Variants in GALNT17 observed in about 807,000 individuals in gnomAD.
The protein encoded by GALNT17 is UDP-GalNAc:polypeptide N-acetylgalactosaminyltransferase-like 3.
GALNT17 carries 29 observed loss-of-function variants against 63.7 expected under a neutral mutation model. The ratio of observed to expected loss-of-function variants is 0.46; its 90% confidence interval spans 0.34 to 0.62. The LOEUF (loss-of-function observed/expected upper bound fraction) is 0.62, where lower values mean the gene tolerates loss of function less well. Ranked by LOEUF, GALNT17 falls within the 20% of genes least tolerant of loss-of-function variation. The pLI is 0.01. For missense variants in GALNT17, 603 were observed against 799.6 expected, an observed-to-expected ratio of 0.75 and a Z score of 2.97; for synonymous variants, 305 against 318.3, an observed-to-expected ratio of 0.96 and a Z score of 0.45.
chr7:71,160,924 C>T (rs1417516998), intron 1 of GALNT17, among the ~76,000 whole-genome samples: 1 of 152,116 alleles, frequency 6.6e-6, no homozygotes, highest in Non-Finnish European at 1.5e-5. Context: ...TCATTGTAAC[C>T]TTGAACTCAA....
At chr7:71,501,789 GTCCT>G (rs1196356825) in intron 5 of GALNT17, among the ~76,000 whole-genome samples, 8 of 152,140 alleles carry the variant, frequency 5.3e-5, no homozygotes, top group Admixed American at 5.2e-4. Context: ...CCAAACATCT[GTCCT>G]TCCTTCTCCC....
chr7:71,577,346 G>A (rs1789555058), intron 6 of GALNT17, among the ~76,000 whole-genome samples: 1 of 152,146 alleles, frequency 6.6e-6, no homozygotes. Flanking sequence ...ACTTGCCTAT[G>A]TATCCCCTGA....
intron 1 of GALNT17, among the ~76,000 whole-genome samples, chr7:71,149,238 T>C (rs1251577201): frequency 6.6e-6 from 1 of 152,156 alleles, no homozygotes; most frequent in Non-Finnish European, 1.5e-5. Flanking sequence ...CTATTTCTAT[T>C]GAACATCAAC....
chr7:71,439,564 C>T (rs1787028545), intron 5 of GALNT17, among the ~76,000 whole-genome samples: 2 of 152,188 alleles, frequency 1.3e-5, no homozygotes, highest in Admixed American at 1.3e-4. Context: ...TGTGACAGCT[C>T]CCAGCGGCAG....
rs1411468652 is a variant in GALNT17, at chr7:71,272,656, A to G, written c.239-62894A>G. Reference sequence around the variant, plus strand: ...CTTCAACCTGCGCTTCAGACAATCGACAGCAGGATTCCCTGTTTAGATTCA... The same window carrying G: ...CTTCAACCTGCGCTTCAGACAATCGGCAGCAGGATTCCCTGTTTAGATTCA... On this transcript the variant is annotated intron_variant, in intron 1 of 10. Transcript: ENST00000333538. Among the ~76,000 whole-genome samples the G allele has an allele frequency of 2.0e-5, 3 of 152,220 alleles. No individual in the cohort carries two copies. In the East Asian group the frequency reaches 5.8e-4, roughly 29 times the overall value.
At chr7:71,627,491 A>C (rs1790391100) in intron 6 of GALNT17, among the ~76,000 whole-genome samples, 1 of 152,200 alleles carries the variant, frequency 6.6e-6, no homozygotes, top group Admixed American at 6.5e-5. Context: ...GGCTGCCTTG[A>C]GATACCCCAA....
intron 6 of GALNT17, among the ~76,000 whole-genome samples, chr7:71,643,118 A>C (rs1334300951): frequency 6.6e-6 from 1 of 152,114 alleles, no homozygotes; most frequent in Non-Finnish European, 1.5e-5. Context: ...TCTCTGGAGA[A>C]ACCCCAAGCC....
chr7:71,362,265 A>G (rs1001831751), intron 2 of GALNT17, among the ~76,000 whole-genome samples: 2 of 152,126 alleles, frequency 1.3e-5, no homozygotes, highest in Non-Finnish European at 2.9e-5. Context: ...GCTTTGTATG[A>G]GATTTTGTCT....
chr7:71,683,171 G>A (rs1380248055), intron 9 of GALNT17, among the ~76,000 whole-genome samples: 5 of 152,140 alleles, frequency 3.3e-5, no homozygotes, highest in Non-Finnish European at 7.4e-5. Flanking sequence ...TGTTAAGTGG[G>A]CCCCGGCTGC....
chr7:71,700,319 AAG>A (rs1174586698), intron 9 of GALNT17, among the ~76,000 whole-genome samples: 8 of 149,650 alleles, frequency 5.3e-5, no homozygotes, highest in African/African-American at 7.5e-5. Flanking sequence ...AAAAAAAAAA[AAG>A]AAGAATTCTT....
chr7:71,571,051 A>T (rs1229714091), intron 5 of GALNT17, among the ~76,000 whole-genome samples: 3 of 151,946 alleles, frequency 2.0e-5, no homozygotes, highest in African/African-American at 7.3e-5. Flanking sequence ...GAGGGAAGTG[A>T]CTTGATTTGC....
chr7:71,644,933 A>G (rs1212975761), intron 6 of GALNT17, among the ~76,000 whole-genome samples: 6 of 152,158 alleles, frequency 3.9e-5, no homozygotes, highest in African/African-American at 1.4e-4. Context: ...GTGGTCATTC[A>G]GTGACTTTAG....
At chr7:71,625,454 G>A (rs1324114600) in intron 6 of GALNT17, among the ~76,000 whole-genome samples, 1 of 151,710 alleles carries the variant, frequency 6.6e-6, no homozygotes, top group Admixed American at 6.6e-5. Flanking sequence ...CTGGTCTCCA[G>A]CCTTTATAAA....
chr7:71,486,076 C>T (rs1451377145), intron 5 of GALNT17, among the ~76,000 whole-genome samples: 1 of 152,070 alleles, frequency 6.6e-6, no homozygotes, highest in Non-Finnish European at 1.5e-5. Context: ...GCCTATAATC[C>T]CAGCACTTTG....
intron 1 of GALNT17, among the ~76,000 whole-genome samples, chr7:71,221,458 G>A (rs186421675): frequency 2.0e-5 from 3 of 148,444 alleles, no homozygotes; most frequent in Non-Finnish European, 1.5e-5. Context: ...CTGGGGTCCT[G>A]GGCATGAATT....
intron 6 of GALNT17, among the ~76,000 whole-genome samples, chr7:71,576,697 A>G (rs1190814416): frequency 6.6e-6 from 1 of 152,110 alleles, no homozygotes; most frequent in Non-Finnish European, 1.5e-5. Context: ...TAGCCTCCAG[A>G]GTAGCTGGGA....
chr7:71,405,349 G>A (rs1043477175), intron 3 of GALNT17, among the ~76,000 whole-genome samples: 1 of 152,096 alleles, frequency 6.6e-6, no homozygotes, highest in Non-Finnish European at 1.5e-5. Context: ...ACCTCAGGTT[G>A]GGCATTGTGG....
chr7:71,281,675 A>T (rs996224513), intron 1 of GALNT17, among the ~76,000 whole-genome samples: 14 of 152,144 alleles, frequency 9.2e-5, no homozygotes, highest in African/African-American at 3.4e-4. Context: ...CCCTCTCTGA[A>T]GTCTACTGCA....
intron 5 of GALNT17, among the ~76,000 whole-genome samples, chr7:71,482,340 G>T (rs778395181): frequency 4.6e-5 from 7 of 152,076 alleles, no homozygotes; most frequent in Non-Finnish European, 8.8e-5. Flanking sequence ...AGTAGACACA[G>T]GGTTTTGCCA....
Sources: allele counts gnomAD v4.1 joint callset (sites outside exome capture counted in the v4.1 genomes callset), GRCh38; gene constraint gnomAD v4.1.1; transcripts MANE v1.5; gene names NCBI Gene and HGNC (gene_info 2026-07-23, HGNC 2026-07-21).